HLF: variants seen among roughly 807,000 people sequenced by gnomAD.
HLF encodes hepatic leukemia factor.
A neutral mutation model predicts 22.6 loss-of-function variants in HLF; 3 were observed. The ratio of observed to expected loss-of-function variants is 0.13; its 90% CI spans 0.06 to 0.34. HLF has a LOEUF of 0.34. HLF is among the 10% of genes least tolerant of loss of function. The pLI, the probability that HLF is intolerant of heterozygous loss-of-function variation, is 1.00. For missense variants in HLF, 299 were observed against 389.2 expected (o/e 0.77, Z 1.95); for synonymous variants, 151 against 151.8 (o/e 0.99, Z 0.04).
chr17:55,270,806 G>A (rs1293849745), intron 2 of HLF, among the ~76,000 whole-genome samples: 1 of 152,000 alleles, frequency 6.6e-6, no homozygotes, highest in East Asian at 1.9e-4. Context: ...ACCACGCCCG[G>A]CTAATTTTTG....
rs763930784 is a variant in HLF, at chr17:55,268,097, T to A, written c.451+11T>A. 2 of 1,508,978 alleles carry A rather than the reference T, an allele frequency of 1.3e-6. No homozygotes were observed. Among genetic ancestry groups the A allele is most frequent in the Non-Finnish European group, 8.9e-7 (1 of 1,125,550 alleles). The allele number at this position is 1,508,978 out of a possible 1,614,324, so 93.5% of individuals were successfully genotyped here. ...GCCCCATCAGACCAGGTAAGTGCCC[T>A]GAAGATTCTCCCTTCAGAAAGGGAG... On this transcript the variant is annotated intron_variant, in intron 2 of 3. Coordinates refer to ENST00000226067, the MANE Select transcript of HLF (RefSeq NM_002126.5).
At chr17:55,306,537 A>AGT (rs60472672) in intron 2 of HLF, among the ~76,000 whole-genome samples, 7,574 of 143,628 alleles carry the variant, frequency 0.053, 280 homozygotes, top group African/African-American at 0.099. Context: ...GCAAAAAGGA[A>AGT]GTGTGTGTGT....
chr17:55,317,805 C>G (rs936965474), intron 3 of HLF, among the ~76,000 whole-genome samples: 4 of 152,048 alleles, frequency 2.6e-5, no homozygotes, highest in African/African-American at 9.7e-5. Flanking sequence ...TGAACTTCCT[C>G]TCTTGAGCCA....
chr17:55,304,786 C>A (rs1367024148), intron 2 of HLF, among the ~76,000 whole-genome samples: 5 of 152,184 alleles, frequency 3.3e-5, no homozygotes, highest in African/African-American at 9.6e-5. Flanking sequence ...TACTGTCCAT[C>A]CCATTCAGCG....
In HLF at chr17:55,323,285, T is replaced by G. The variant is rs1334633178; in HGVS notation, c.*2406T>G. ...CACAGGTGGACGTAGAGTTGGCCTT[T>G]TTACAGGCAAAGAGGCGAATTGTAG... On this transcript the variant is annotated 3_prime_UTR_variant, in exon 4 of 4. Coordinates refer to ENST00000226067, the MANE Select transcript of HLF (RefSeq NM_002126.5). 2 of 217,060 alleles carry G rather than the reference T, an allele frequency of 9.2e-6. No homozygotes were observed. Among genetic ancestry groups the G allele is most frequent in the Admixed American group, 1.2e-4 (2 of 17,244 alleles). The allele number at this position is 217,060 out of a possible 1,614,324, so 13.4% of individuals were successfully genotyped here.
intron 2 of HLF, among the ~76,000 whole-genome samples, chr17:55,278,049 G>A (rs941683658): frequency 6.6e-6 from 1 of 152,136 alleles, no homozygotes; most frequent in African/African-American, 2.4e-5. Context: ...CACAGGGTTC[G>A]TAAAAGTTTC....
At chr17:55,288,959 G>A (rs1218655909) in intron 2 of HLF, 1 of 984,814 alleles carries the variant, frequency 1.0e-6, no homozygotes, top group African/African-American at 1.7e-5. Context: ...CATCCCACAG[G>A]TTCTTAATTG....
rs796704655 is a variant in HLF at position 55,295,117 on chromosome 17, G to A, written c.452-20110G>A. Among the ~76,000 whole-genome samples the A allele has an allele frequency of 2.6e-5, 4 of 152,312 alleles. No homozygotes were observed. The South Asian group carries it at 8.3e-4, about 32-fold the overall frequency. ...CGAAGAGATATAATTAATTGTGAAT[G>A]GAGTGTGGTAGATAGCATCAGGTTG... On this transcript the variant is annotated intron_variant, in intron 2 of 3. Coordinates refer to ENST00000226067, the MANE Select transcript of HLF (RefSeq NM_002126.5).
At chr17:55,268,645 A>G (rs140559446) in intron 2 of HLF, among the ~76,000 whole-genome samples, 11 of 152,186 alleles carry the variant, frequency 7.2e-5, no homozygotes, top group African/African-American at 2.6e-4. Context: ...AGTAGAATCT[A>G]AAAGCAGGCT....
At chr17:55,281,122 G>A (rs186054575) in intron 2 of HLF, among the ~76,000 whole-genome samples, 9 of 152,314 alleles carry the variant, frequency 5.9e-5, no homozygotes, top group Admixed American at 3.9e-4. Context: ...GGATTACAAA[G>A]TACATCAGCA....
At chr17:55,311,903 T>G (rs899749402) in intron 2 of HLF, among the ~76,000 whole-genome samples, 1 of 152,228 alleles carries the variant, frequency 6.6e-6, no homozygotes, top group African/African-American at 2.4e-5. Context: ...TAGTTCCTAC[T>G]TAGAAGTGAA....
chr17:55,293,348 C>T (rs1217944220), intron 2 of HLF, among the ~76,000 whole-genome samples: 1 of 152,120 alleles, frequency 6.6e-6, no homozygotes, highest in Admixed American at 6.5e-5. Context: ...GGGCAACGGC[C>T]GATCGCCACT....
intron 2 of HLF, among the ~76,000 whole-genome samples, chr17:55,277,127 A>G (rs1399843444): frequency 6.6e-6 from 1 of 152,224 alleles, no homozygotes; most frequent in Non-Finnish European, 1.5e-5. Context: ...TCATAGGAGT[A>G]GAAAAATAGA....
rs755470158 is a variant in HLF at position 55,315,352 on chromosome 17, T to G, written c.577T>G (p.Phe193Val). The change falls in exon 3 of 4, where the codon TTT (phenylalanine) becomes GTT (valine). Residue 193 changes from phenylalanine (F) to valine (V), a missense_variant. Physicochemically the swap from Phe to Val is conservative, Grantham distance 50. This residue lies in a region of HLF where 224 missense variants were observed against 298.1 expected (regional missense o/e 0.75). Transcript: ENST00000226067. ...TTCCAGCATCCCTGGCCAGGAAATG[T>G]TTGACCCTCGCAAACGCAAGTTCTC... ...ALSSIPGQEMFDPRKRKFSEE... is the reference protein window; with the variant it reads ...ALSSIPGQEMVDPRKRKFSEE... 1 of 1,614,032 alleles carries G rather than the reference T, an allele frequency of 6.2e-7. No homozygotes were observed. Among genetic ancestry groups the G allele is most frequent in the Non-Finnish European group, 8.5e-7 (1 of 1,179,998 alleles).
At chr17:55,285,181 C>T (rs892400371) in intron 2 of HLF, among the ~76,000 whole-genome samples, 2 of 152,156 alleles carry the variant, frequency 1.3e-5, no homozygotes, top group Non-Finnish European at 2.9e-5. Flanking sequence ...ATTAGTCACA[C>T]CTTACACCAG....
chr17:55,288,583 T>C (rs2081028634), intron 2 of HLF, among the ~76,000 whole-genome samples: 1 of 151,912 alleles, frequency 6.6e-6, no homozygotes, highest in African/African-American at 2.4e-5. Flanking sequence ...GGCAATGTAA[T>C]GAAACCCCAT....
chr17:55,271,492 G>T (rs1361012319), intron 2 of HLF: 1 of 152,138 alleles, frequency 6.6e-6, no homozygotes, highest in Non-Finnish European at 1.5e-5. Flanking sequence ...GAATGACAAG[G>T]TGAGCATTCT....
chr17:55,319,254 T>C (rs1240880847), intron 3 of HLF, among the ~76,000 whole-genome samples: 1 of 152,036 alleles, frequency 6.6e-6, no homozygotes, highest in Non-Finnish European at 1.5e-5. Context: ...GTTTTGGGGG[T>C]GGACCGCTGA....
Position 55,265,337 on chromosome 17 carries a change from A to G in HLF, c.-148A>G. 2 of 602,694 alleles carry G rather than the reference A, an allele frequency of 3.3e-6. No individual in the cohort carries two copies. Among genetic ancestry groups the G allele is most frequent in the Non-Finnish European group, 5.8e-6 (2 of 342,354 alleles). The allele number at this position is 602,694 out of a possible 1,614,324, so 37.3% of individuals were successfully genotyped here. A position where few individuals can be genotyped will look rare whatever the true frequency, so the allele number is the denominator to read the frequency against. ...TTTATGCAGATGTATTTATAAAGAT[A>G]TAAGTAATTTTTTTCTTCCCTTTTC... On this transcript the variant is annotated 5_prime_UTR_variant, in exon 1 of 4. The change creates a new upstream start codon in the 5' untranslated region. Transcript: ENST00000226067.
Sources: gnomAD v4.1 joint callset for allele counts (sites outside exome capture counted in the v4.1 genomes callset) on GRCh38, gnomAD v4.1.1 for gene constraint, gnomAD v4.1.1 regional missense constraint, MANE v1.5 for transcripts, NCBI Gene and HGNC (gene_info 2026-07-23, HGNC 2026-07-21) for gene names.